STX6: variants seen among roughly 807,000 people sequenced by gnomAD.
The protein encoded by STX6 is syntaxin 6, also known as syntaxin-6.
In STX6, 23 loss-of-function variants were observed where a neutral mutation model predicts 38.0. The observed-to-expected ratio is 0.60, with a 90% CI of 0.43 to 0.86. STX6 has a LOEUF of 0.86. Ranked by LOEUF, STX6 falls within the 40% of genes least tolerant of loss-of-function variation. The pLI, the probability that STX6 is intolerant of heterozygous loss-of-function variation, is 0.00. For missense variants in STX6, 274 were observed against 312.9 expected (o/e 0.88, Z 0.94); for synonymous variants, 123 against 107.5 (o/e 1.14, Z -0.89).
At chr1:181,002,287 C>A (rs1410899418) in intron 3 of STX6, among the ~76,000 whole-genome samples, 1 of 151,688 alleles carries the variant, frequency 6.6e-6, no homozygotes, top group Non-Finnish European at 1.5e-5. Context: ...GTAGTTGAGA[C>A]AACAGGTGTG....
At position 181,022,763 on chromosome 1, in the gene STX6, A is replaced by G. The variant is rs867601570; in HGVS notation, c.-90T>C. 29 of 1,354,724 alleles carry G rather than the reference A, an allele frequency of 2.1e-5. No individual in the cohort carries two copies. In the Middle Eastern group the frequency reaches 2.7e-3, roughly 127 times the overall value. The allele number at this position is 1,354,724 out of a possible 1,614,324, so 83.9% of individuals were successfully genotyped here. A position where few individuals can be genotyped will look rare whatever the true frequency, so the allele number is the denominator to read the frequency against. On this transcript the variant is annotated 5_prime_UTR_variant, in exon 1 of 8. Coordinates refer to ENST00000258301, the MANE Select transcript of STX6 (RefSeq NM_005819.6). ...CTCCGCCCACCCCGCCTGTTCCCGCAGCTGCCCGCGCCTTAGTCTGGGTGA... is the reference window on the plus strand; with the variant it reads ...CTCCGCCCACCCCGCCTGTTCCCGCGGCTGCCCGCGCCTTAGTCTGGGTGA...
At chr1:180,996,273 C>T (rs886834546) in intron 3 of STX6, among the ~76,000 whole-genome samples, 1 of 151,966 alleles carries the variant, frequency 6.6e-6, no homozygotes, top group East Asian at 1.9e-4. Flanking sequence ...AAGCAGCAAG[C>T]CCAAATAAGG....
At position 180,984,816 on chromosome 1, in the gene STX6, T is replaced by C. The variant is rs201984273; in HGVS notation, c.597-45A>G. ...GAAGGTCGCTGGTAAGCACAAAGCC[T>C]TGGCAGTGCACTTGCACTGGGTTAA... On this transcript the variant is annotated intron_variant, in intron 6 of 7. Coordinates refer to ENST00000258301, the MANE Select transcript of STX6 (RefSeq NM_005819.6). The C allele has an allele frequency of 7.3e-4, 660 of 908,072 alleles. 3 individuals are homozygous for C. The highest frequency in any genetic ancestry group is 1.2e-3 in the South Asian group (89 of 72,518). 56.3% of individuals were successfully genotyped at this position (908,072 alleles called of 1,614,324 possible). A position where few individuals can be genotyped will look rare whatever the true frequency, so the allele number is the denominator to read the frequency against.
At chr1:181,018,297 C>T (rs1265124465) in intron 1 of STX6, among the ~76,000 whole-genome samples, 2 of 144,748 alleles carry the variant, frequency 1.4e-5, no homozygotes, top group Non-Finnish European at 3.0e-5. Flanking sequence ...GCAGGAGAAT[C>T]GCTTGAACCC....
intron 7 of STX6, among the ~76,000 whole-genome samples, chr1:180,978,415 G>T (rs1655312200): frequency 6.6e-6 from 1 of 152,192 alleles, no homozygotes; most frequent in Non-Finnish European, 1.5e-5. Context: ...ATGAGTCGCT[G>T]AAGGCTCAGT....
intron 3 of STX6, among the ~76,000 whole-genome samples, chr1:181,002,242 TCCTCCCACCTCAG>T (rs956209722): frequency 1.3e-5 from 2 of 152,022 alleles, no homozygotes; most frequent in Non-Finnish European, 2.9e-5. Flanking sequence ...CTCAACCTGA[TCCTCCCACCTCAG>T]CCTCCCATCT....
chr1:180,985,008 G>A (rs570456501), intron 6 of STX6, among the ~76,000 whole-genome samples: 2 of 152,164 alleles, frequency 1.3e-5, no homozygotes, highest in Admixed American at 1.3e-4. Context: ...ACCACTAGGA[G>A]GACACCACCA....
At chr1:180,994,894 A>G (rs1426698447) in intron 3 of STX6, among the ~76,000 whole-genome samples, 1 of 152,190 alleles carries the variant, frequency 6.6e-6, no homozygotes, top group Non-Finnish European at 1.5e-5. Context: ...ATTACGCATT[A>G]TATACATGTA....
At chr1:181,019,367 A>C (rs1656661138) in intron 1 of STX6, among the ~76,000 whole-genome samples, 1 of 152,064 alleles carries the variant, frequency 6.6e-6, no homozygotes, top group South Asian at 2.1e-4. Flanking sequence ...AAAAAAAAAA[A>C]AACAGTCCCA....
rs1017809826 is a variant in STX6, at chr1:181,017,135, C to T, written c.35+5504G>A. On this transcript the variant is annotated intron_variant, in intron 1 of 7. Transcript: ENST00000258301. ...GGCGCAGTGGCTCATGCCTGTAATC[C>T]CAGCACTTTGGGAGGCCGAGGTGGG... 1.7e-4 allele frequency among the ~76,000 whole-genome samples: 25 copies of T among 150,576 alleles called. 1 individual carries two copies. Among genetic ancestry groups the T allele is most frequent in the African/African-American group, 5.1e-4 (21 of 40,872 alleles).
chr1:180,993,363 C>T lies in STX6; in HGVS notation c.363G>A (p.Gln121=), dbSNP rs201964802. The T allele has an allele frequency of 3.2e-4, 492 of 1,529,256 alleles. 2 individuals carry two copies. Among genetic ancestry groups the T allele is most frequent in the Non-Finnish European group, 4.2e-4 (460 of 1,104,392 alleles). 94.7% of individuals were successfully genotyped at this position (1,529,256 alleles called of 1,614,324 possible). ...VQALAERKNR[Q]ALLGDSGSQN... is the part of the protein sequence containing the mutation. Reference sequence around the variant, plus strand: ...TAATTATATTCTGATGTTTTCTCACCTGTCTATTTTTTCTTTCAGCTAATG... The same window carrying T: ...TAATTATATTCTGATGTTTTCTCACTTGTCTATTTTTTCTTTCAGCTAATG... Residue 121 remains glutamine (Q), a splice_region_variant and synonymous_variant, in exon 4 of 8, where the codon CAG becomes CAA. Coordinates refer to ENST00000258301, the MANE Select transcript of STX6 (RefSeq NM_005819.6).
In STX6 at chr1:181,007,094, C is replaced by T. The variant is rs73048454; in HGVS notation, c.36-1631G>A. On this transcript the variant is annotated intron_variant, in intron 1 of 7. Coordinates refer to ENST00000258301, the MANE Select transcript of STX6 (RefSeq NM_005819.6). ...AGTGGAGAAAGAGCTATGTATCATT[C>T]CTTAATGCAAAGTAAGTCATCCTTT... is the stretch of plus-strand genomic sequence containing the variant. Among the ~76,000 whole-genome samples, 701 of 152,276 alleles carry T rather than the reference C, an allele frequency of 4.6e-3. 10 individuals are homozygous for T. Among genetic ancestry groups the T allele is most frequent in the African/African-American group, 0.016 (671 of 41,550 alleles).
chr1:180,985,159 G>C (rs534958895), intron 6 of STX6, among the ~76,000 whole-genome samples: 1 of 151,978 alleles, frequency 6.6e-6, no homozygotes, highest in Admixed American at 6.5e-5. Flanking sequence ...AAAAAACAAC[G>C]AGATTTCTTT....
chr1:181,022,022 C>A (rs1390103071), intron 1 of STX6, among the ~76,000 whole-genome samples: 1 of 152,162 alleles, frequency 6.6e-6, no homozygotes, highest in Admixed American at 6.5e-5. Flanking sequence ...GCTTTCCTCT[C>A]CTCACATTAC....
At chr1:180,986,872 G>A (rs7518501) in intron 6 of STX6, among the ~76,000 whole-genome samples, 281 of 152,252 alleles carry the variant, frequency 1.8e-3, no homozygotes, top group Middle Eastern at 6.8e-3. Context: ...GAGAAGCTCA[G>A]GCCATTAGTC....
intron 1 of STX6, among the ~76,000 whole-genome samples, chr1:181,010,929 G>T (rs1042612363): frequency 1.3e-5 from 2 of 152,232 alleles, no homozygotes; most frequent in Non-Finnish European, 2.9e-5. Flanking sequence ...TTAGACTGAA[G>T]TTGAGGAGTG....
rs566820465 is a variant in STX6 at position 180,973,013 on chromosome 1, C to T, written c.*3557G>A. On this transcript the variant is annotated 3_prime_UTR_variant, in exon 8 of 8. Coordinates refer to ENST00000258301, the MANE Select transcript of STX6 (RefSeq NM_005819.6). ...TTTGCTCAGGGATGGCGCACAGTGA[C>T]TGCGGGGGCTTAAGTCCGGTAACCC... 1.1e-3 allele frequency: 172 copies of T among 155,000 alleles called. No homozygotes were observed. Among genetic ancestry groups the T allele is most frequent in the Non-Finnish European group, 1.7e-3 (118 of 69,784 alleles). The allele number at this position is 155,000 out of a possible 1,614,324, so 9.6% of individuals were successfully genotyped here.
intron 4 of STX6, among the ~76,000 whole-genome samples, chr1:180,993,138 G>A (rs1655800737): frequency 6.6e-6 from 1 of 152,152 alleles, no homozygotes; most frequent in Non-Finnish European, 1.5e-5. Context: ...GTGCTATGGA[G>A]CCCAGAGAAG....
chr1:180,983,158 C>T (rs57113693), intron 7 of STX6, among the ~76,000 whole-genome samples: 84,398 of 151,512 alleles, frequency 0.56, 23,804 homozygotes, highest in East Asian at 0.63. Context: ...CATATTTTTA[C>T]AGATAAGAAA....
Sources: allele counts gnomAD v4.1 joint callset (sites outside exome capture counted in the v4.1 genomes callset), GRCh38; gene constraint gnomAD v4.1.1; transcripts MANE v1.5; gene names NCBI Gene and HGNC (gene_info 2026-07-23, HGNC 2026-07-21).